Variants in NAALADL2 observed in about 807,000 individuals in gnomAD.
The protein encoded by NAALADL2 is inactive N-acetylated-alpha-linked acidic dipeptidase-like protein 2.
Under a neutral mutation model 87.2 loss-of-function variants are expected in NAALADL2, and 76 were observed. That is an observed-to-expected ratio of 0.87 (90% CI 0.72 to 1.05). The LOEUF is 1.05. Among genes scored for constraint, NAALADL2 ranks in the 50% least tolerant of loss-of-function variants. The pLI, the probability that NAALADL2 is intolerant of heterozygous loss-of-function variation, is 0.00. For missense variants in NAALADL2, 1,089 were observed against 945.8 expected, an observed-to-expected ratio of 1.15 and a Z score of -1.99; for synonymous variants, 354 against 331.0, an observed-to-expected ratio of 1.07 and a Z score of -0.75.
chr3:175,672,680 C>T (rs1440818024), intron 11 of NAALADL2, among the ~76,000 whole-genome samples: 4 of 152,240 alleles, frequency 2.6e-5, no homozygotes, highest in African/African-American at 7.2e-5. Flanking sequence ...TCAATCAAAA[C>T]GGCAAGGGAC....
At chr3:174,819,632 G>T (rs1176412737) in intron 3 of NAALADL2, among the ~76,000 whole-genome samples, 1 of 152,030 alleles carries the variant, frequency 6.6e-6, no homozygotes, top group South Asian at 2.1e-4. Flanking sequence ...CCATTATATT[G>T]TTGGGCACCT....
intron 1 of NAALADL2, among the ~76,000 whole-genome samples, chr3:174,899,974 A>T (rs919120674): frequency 2.0e-5 from 3 of 151,250 alleles, no homozygotes; most frequent in African/African-American, 2.4e-5. Context: ...ATAAAAATTT[A>T]AAAAACTCTT....
At chr3:174,924,369 T>C (rs867641850) in intron 1 of NAALADL2, among the ~76,000 whole-genome samples, 1 of 152,078 alleles carries the variant, frequency 6.6e-6, no homozygotes, top group South Asian at 2.1e-4. Context: ...GCTTCATACA[T>C]GTCCCTACAA....
At chr3:175,132,864 C>T (rs1470908714) in intron 2 of NAALADL2, among the ~76,000 whole-genome samples, 1 of 151,240 alleles carries the variant, frequency 6.6e-6, no homozygotes, top group Non-Finnish European at 1.5e-5. Context: ...GGCTGCCAGG[C>T]GGAGGGGCTC....
At chr3:175,748,481 A>G (rs1443947468) in intron 12 of NAALADL2, among the ~76,000 whole-genome samples, 1 of 152,232 alleles carries the variant, frequency 6.6e-6, no homozygotes, top group Non-Finnish European at 1.5e-5. Flanking sequence ...AACATAAATC[A>G]TACTTTTTCT....
chr3:174,849,799 A>G (rs1725042172), intron 3 of NAALADL2, among the ~76,000 whole-genome samples: 1 of 147,188 alleles, frequency 6.8e-6, no homozygotes, highest in African/African-American at 2.5e-5. Context: ...ACGCAGGGTT[A>G]GGATCATCAT....
At chr3:174,589,299 G>A (rs2108580649) in intron 2 of NAALADL2, among the ~76,000 whole-genome samples, 1 of 152,272 alleles carries the variant, frequency 6.6e-6, no homozygotes, top group African/African-American at 2.4e-5. Context: ...GCTAGGAAAG[G>A]GAATTCCCCG....
chr3:175,193,113 C>T (rs1446570723), intron 2 of NAALADL2, among the ~76,000 whole-genome samples: 1 of 151,842 alleles, frequency 6.6e-6, no homozygotes, highest in Non-Finnish European at 1.5e-5. Flanking sequence ...TTTTAATCTA[C>T]AAAATGTCAG....
chr3:175,225,744 C>T (rs1016571567), intron 2 of NAALADL2, among the ~76,000 whole-genome samples: 12 of 151,902 alleles, frequency 7.9e-5, no homozygotes, highest in African/African-American at 2.9e-4. Flanking sequence ...ATTGACCACC[C>T]AAGTTTGAAG....
At chr3:174,822,863 C>G (rs1721581195) in intron 3 of NAALADL2, among the ~76,000 whole-genome samples, 1 of 152,114 alleles carries the variant, frequency 6.6e-6, no homozygotes, top group Non-Finnish European at 1.5e-5. Context: ...CTTTTGCTTG[C>G]AATTCAATTT....
rs116809982 is a variant in NAALADL2, at chr3:175,777,993, G to T, written c.2189+22575G>T. 6.5e-3 allele frequency among the ~76,000 whole-genome samples: 988 copies of T among 152,190 alleles called. 11 individuals carry two copies. Among genetic ancestry groups the T allele is most frequent in the African/African-American group, 0.023 (944 of 41,518 alleles). On this transcript the variant is annotated intron_variant, in intron 13 of 13. Coordinates refer to ENST00000454872, the MANE Select transcript of NAALADL2 (RefSeq NM_207015.3). ...TACGTTTAGCATAATGTTTTCATACGCAGTCTGTGTGTCTGTGTGTATACC... is the reference window on the plus strand; with the variant it reads ...TACGTTTAGCATAATGTTTTCATACTCAGTCTGTGTGTCTGTGTGTATACC...
chr3:175,575,957 T>C, intron 9 of NAALADL2, 84 bp from the exon 10 acceptor site: 1 of 1,126,002 alleles, frequency 8.9e-7, no homozygotes, highest in East Asian at 2.6e-5. Context: ...GCTGCTGATC[T>C]GTGGACCATG....
intron 2 of NAALADL2, among the ~76,000 whole-genome samples, chr3:174,635,951 G>A (rs2108713278): frequency 6.6e-6 from 1 of 152,138 alleles, no homozygotes; most frequent in Admixed American, 6.5e-5. Context: ...ATTGTCCTAA[G>A]TTTTTGTGAT....
intron 2 of NAALADL2, among the ~76,000 whole-genome samples, chr3:174,565,651 G>C (rs995573390): frequency 6.6e-6 from 1 of 152,022 alleles, no homozygotes; most frequent in African/African-American, 2.4e-5. Flanking sequence ...GCAGGTTTTT[G>C]TGTGAATATG....
At position 175,380,893 on chromosome 3, in the gene NAALADL2, T is replaced by G. The variant is rs1014561370; in HGVS notation, c.1090+56568T>G. On this transcript the variant is annotated intron_variant, in intron 5 of 13. Transcript: ENST00000454872. ...CTCAATTATAAAGCTTTAAATATTG[T>G]TTTTTTTTAAATTTTCAACATCTTT... Among the ~76,000 whole-genome samples the G allele has an allele frequency of 3.3e-5, 5 of 151,202 alleles. 1 individual carries two copies. Among genetic ancestry groups the G allele is most frequent in the South Asian group, 4.2e-4 (2 of 4,770 alleles).
rs1560474952 is a variant in NAALADL2 at position 175,013,106 on chromosome 3, ATTT to A, written c.44-83683_44-83681del. On this transcript the variant is annotated intron_variant, in intron 1 of 13. Coordinates refer to ENST00000454872, the MANE Select transcript of NAALADL2 (RefSeq NM_207015.3). ...TACATATTTATATATAAATATACAT[ATTT>A]ATATATAAATATACATATTTATATA... Among the ~76,000 whole-genome samples, 125 of 17,840 alleles carry A rather than the reference ATTT, an allele frequency of 7.0e-3. 8 individuals are homozygous for A. The highest frequency in any genetic ancestry group is 0.053 in the African/African-American group (109 of 2,054). 11.7% of individuals were successfully genotyped at this position (17,840 alleles called of 152,430 possible). A position where few individuals can be genotyped will look rare whatever the true frequency, so the allele number is the denominator to read the frequency against.
At chr3:174,767,739 A>G (rs1429791906) in intron 3 of NAALADL2, among the ~76,000 whole-genome samples, 1 of 152,230 alleles carries the variant, frequency 6.6e-6, no homozygotes, top group Non-Finnish European at 1.5e-5. Context: ...CAATTCTCCA[A>G]AAATAGATTA....
intron 2 of NAALADL2, among the ~76,000 whole-genome samples, chr3:174,680,074 A>C (rs1727394063): frequency 7.2e-6 from 1 of 138,756 alleles, no homozygotes; most frequent in South Asian, 2.4e-4. Flanking sequence ...TAGAAACTTA[A>C]TAATATAACC....
intron 4 of NAALADL2, among the ~76,000 whole-genome samples, chr3:175,309,683 A>G (rs1322649435): frequency 4.6e-5 from 7 of 152,182 alleles, no homozygotes; most frequent in Admixed American, 1.3e-4. Context: ...TAAATTCTCA[A>G]TCTGGTTTCC....
Sources: gnomAD v4.1 joint callset for allele counts (sites outside exome capture counted in the v4.1 genomes callset) on GRCh38, gnomAD v4.1.1 for gene constraint, MANE v1.5 for transcripts, NCBI Gene and HGNC (gene_info 2026-07-23, HGNC 2026-07-21) for gene names.